SLC2A5: variants seen among roughly 807,000 people sequenced by gnomAD.
The protein encoded by SLC2A5 is solute carrier family 2, facilitated glucose transporter member 5.
Under a neutral mutation model 50.3 loss-of-function variants are expected in SLC2A5, and 56 were observed. The observed-to-expected ratio is 1.11, with a 90% CI of 0.90 to 1.39. SLC2A5 has a LOEUF of 1.39. SLC2A5 is among the 40% of genes most tolerant of loss of function. The pLI is 0.00. For synonymous variants in SLC2A5, 269 were observed against 281.9 expected, an observed-to-expected ratio of 0.95 and a Z score of 0.46; for missense variants, 566 against 650.1, an observed-to-expected ratio of 0.87 and a Z score of 1.41.
At chr1:9,047,767 G>A (rs757253631) in intron 3 of SLC2A5, 33 bp from the exon 4 acceptor site, 16 of 1,607,000 alleles carry the variant, frequency 1.0e-5, no homozygotes, top group African/African-American at 2.7e-5. Context: ...TAGTTTTGCT[G>A]AAGAATTCAC....
chr1:9,059,167 G>A (rs1641838988), intron 1 of SLC2A5, among the ~76,000 whole-genome samples: 1 of 81,182 alleles, frequency 1.2e-5, no homozygotes, highest in Non-Finnish European at 2.2e-5. Flanking sequence ...TTTTGACACA[G>A]AGTCTTGCTC....
At chr1:9,063,239 T>C (rs929979253) in intron 1 of SLC2A5, among the ~76,000 whole-genome samples, 1 of 151,810 alleles carries the variant, frequency 6.6e-6, no homozygotes, top group Non-Finnish European at 1.5e-5. Flanking sequence ...ATGTACTTTG[T>C]GTGTGTGTGT....
intron 1 of SLC2A5, among the ~76,000 whole-genome samples, chr1:9,059,982 T>C (rs116325805): frequency 0.043 from 5,605 of 130,154 alleles, 194 homozygotes; most frequent in African/African-American, 0.11. Flanking sequence ...AGCAAAAACA[T>C]ACTACACACA....
chr1:9,047,730 C>T lies in SLC2A5; in HGVS notation c.298G>A (p.Gly100Arg), dbSNP rs752286590. ...GPLVNKFGRK[G>R]ALLFNNIFSI... ...AATATGTTGTTGAACAGCAAGGCCC[C>T]TTTTCTGCAGAGGACAAAATATCAG... Residue 100 changes from glycine to arginine, a missense_variant, in exon 4 of 12, where the codon GGG becomes AGG. Transcript: ENST00000377424. 7 of 1,613,350 alleles carry T rather than the reference C, an allele frequency of 4.3e-6. No homozygotes were observed. Among genetic ancestry groups the T allele is most frequent in the Non-Finnish European group, 5.1e-6 (6 of 1,179,720 alleles).
chr1:9,077,200 G>A (rs888597477), intron 2 of SLC2A5, among the ~76,000 whole-genome samples: 5 of 150,916 alleles, frequency 3.3e-5, no homozygotes, highest in Non-Finnish European at 7.4e-5. Flanking sequence ...AGGAGTTCAA[G>A]ACTAGTCTGG....
At chr1:9,079,935 C>T (rs1193555071) in intron 2 of SLC2A5, among the ~76,000 whole-genome samples, 4 of 152,198 alleles carry the variant, frequency 2.6e-5, no homozygotes, top group East Asian at 1.9e-4. Flanking sequence ...AAAACTGAAA[C>T]TCCGTCCCCA....
At chr1:9,057,779 C>T (rs1641800442) in intron 2 of SLC2A5, among the ~76,000 whole-genome samples, 171 bp from the exon 3 acceptor site, 1 of 152,184 alleles carries the variant, frequency 6.6e-6, no homozygotes, top group South Asian at 2.1e-4. Flanking sequence ...GAAGGGTGGG[C>T]ACCCACCGGG....
rs770313806 is a variant in SLC2A5, at chr1:9,039,906, G to A, written c.779C>T (p.Ala260Val). 6.2e-7 allele frequency: 1 copy of A among 1,612,736 alleles called. No individual in the cohort carries two copies. The highest frequency in any genetic ancestry group is 1.3e-5 in the African/African-American group (1 of 74,926). The change falls in exon 7 of 12, where the codon GCG becomes GTG. Residue 260 changes from alanine (A) to valine (V), a missense_variant. Ala to Val is a moderately conservative substitution (Grantham distance 64, BLOSUM62 0). Coordinates refer to ENST00000377424, the MANE Select transcript of SLC2A5 (RefSeq NM_003039.3). ...IRQEDEAEKA[A>V]GFISVLKLFR... The stretch of plus-strand genomic sequence containing the variant: ...CAGCTTCAGCACGGAGATGAAGCCC[G>A]CGGCCTTCTCTGCCTCATCCTCCTG...
upstream of SLC2A5, chr1:9,069,670 A>G (rs1642172684): frequency 1.1e-6 from 1 of 912,092 alleles, no homozygotes; most frequent in Non-Finnish European, 1.8e-6. Context: ...TTATAGCCAG[A>G]TTAAGTCAGA....
In SLC2A5 at chr1:9,036,172, T is replaced by G. The variant is rs1366160641; in HGVS notation, c.*1414A>C. 2 of 152,170 alleles carry G rather than the reference T, an allele frequency of 1.3e-5. No homozygotes were observed. Among genetic ancestry groups the G allele is most frequent in the Non-Finnish European group, 2.9e-5 (2 of 68,044 alleles). The allele number at this position is 152,170 out of a possible 1,614,324, so 9.4% of individuals were successfully genotyped here. ...AGGACATTTGGAAGCTTCCTCAATC[T>G]TACATGTATTTATTTATTTGAGACA... On this transcript the variant is annotated 3_prime_UTR_variant, in exon 12 of 12. Transcript: ENST00000377424.
At chr1:9,038,296 C>A in intron 10 of SLC2A5, 135 bp downstream of exon 10, 1 of 734,016 alleles carries the variant, frequency 1.4e-6, no homozygotes, top group South Asian at 1.6e-5. Context: ...CCACCCACCC[C>A]CTTGCGGTGG....
chr1:9,088,122 T>A lies in SLC2A5; in HGVS notation c.-188+250A>T, dbSNP rs533664782. On this transcript the variant is annotated intron_variant, in intron 1 of 5. Transcript: ENST00000464985. ...TATTCAGGCTTTCTTCTGTCTTAGATCCCGACCCTCCCTATGCCAAGCTTG... is the reference window on the plus strand; with the variant it reads ...TATTCAGGCTTTCTTCTGTCTTAGAACCCGACCCTCCCTATGCCAAGCTTG... Among the ~76,000 whole-genome samples the A allele has an allele frequency of 2.6e-5, 4 of 152,178 alleles. No homozygotes were observed. The South Asian group carries it at 6.2e-4, about 24-fold the overall frequency.
chr1:9,061,440 C>A (rs1291798505), intron 1 of SLC2A5, among the ~76,000 whole-genome samples: 4 of 115,418 alleles, frequency 3.5e-5, no homozygotes, highest in African/African-American at 9.0e-5. Context: ...CTGTCTCTAC[C>A]AAAAAAATTT....
chr1:9,092,862 C>T (rs146471986), upstream of SLC2A5, among the ~76,000 whole-genome samples: 26 of 152,220 alleles, frequency 1.7e-4, no homozygotes, highest in Non-Finnish European at 2.9e-4. Flanking sequence ...AGAAAATGAA[C>T]GGCATTTTAA....
Position 9,035,890 on chromosome 1 carries a change from T to G in SLC2A5, c.*1696A>C, listed in dbSNP as rs707453. On this transcript the variant is annotated 3_prime_UTR_variant, in exon 12 of 12. Coordinates refer to ENST00000377424, the MANE Select transcript of SLC2A5 (RefSeq NM_003039.3). ...AGAGAATGAGAACCAAGCAAAAGGT[T>G]TTACCCCTTACAGAACCATCAGATC... The G allele has an allele frequency of 0.75, 113,936 of 152,020 alleles. 43,458 individuals carry two copies. The highest frequency in any genetic ancestry group is 0.95 in the East Asian group (4,918 of 5,168). The allele number at this position is 152,020 out of a possible 1,614,324, so 9.4% of individuals were successfully genotyped here.
chr1:9,053,952 G>T (rs895403743), intron 3 of SLC2A5, among the ~76,000 whole-genome samples: 4 of 151,944 alleles, frequency 2.6e-5, no homozygotes, highest in Non-Finnish European at 2.9e-5. Context: ...AACAATGATA[G>T]AAAGTAGATT....
At chr1:9,044,428 A>G (rs1341430487) in intron 4 of SLC2A5, among the ~76,000 whole-genome samples, 2 of 152,202 alleles carry the variant, frequency 1.3e-5, no homozygotes. Context: ...AAATCAGTGA[A>G]CTGTGAGCAT....
chr1:9,080,019 T>C (rs12726360), intron 2 of SLC2A5, among the ~76,000 whole-genome samples: 33,691 of 152,172 alleles, frequency 0.22, 4,082 homozygotes, highest in East Asian at 0.49. Context: ...CTTCTACGAA[T>C]TTGGGCACTC....
In SLC2A5 at chr1:9,040,164, G is replaced by T. The variant is rs760105615; in HGVS notation, c.597C>A (p.Thr199=). 1 of 1,556,134 alleles carries T rather than the reference G, an allele frequency of 6.4e-7. No homozygotes were observed. The change falls in exon 6 of 12, where the codon ACC becomes ACA. Residue 199 remains threonine (T), a synonymous_variant. Transcript: ENST00000377424. The surrounding 1 kb of genome is among the most constrained non-coding windows in gnomAD (Gnocchi z 4.3). ...VDGWPILLGL[T]GVPAALQLLL... ...GGAGCTGCAGCGCCGCGGGGACCCCGGTCAGCCCCAGCAGGATCGGCCAGC... is the reference window on the plus strand; with the variant it reads ...GGAGCTGCAGCGCCGCGGGGACCCCTGTCAGCCCCAGCAGGATCGGCCAGC...
Sources: allele counts gnomAD v4.1 joint callset (sites outside exome capture counted in the v4.1 genomes callset), GRCh38; gene constraint gnomAD v4.1.1; non-coding constraint Gnocchi (gnomAD v3.1); transcripts MANE v1.5; gene names NCBI Gene and HGNC (gene_info 2026-07-23, HGNC 2026-07-21).